Variants in STK3 observed in about 807,000 individuals in gnomAD.
STK3 encodes serine/threonine-protein kinase 3.
A neutral mutation model predicts 58.0 loss-of-function variants in STK3; 41 were observed. The ratio of observed to expected loss-of-function variants is 0.71; its 90% CI spans 0.55 to 0.92. STK3 has a LOEUF of 0.92. STK3 is among the 40% of genes least tolerant of loss of function. The probability of loss-of-function intolerance (pLI) is 0.00; values close to 1 mark genes in which losing one functional copy is unlikely to be tolerated. For synonymous variants in STK3, 170 were observed against 191.0 expected, an observed-to-expected ratio of 0.89 and a Z score of 0.91; for missense variants, 479 against 602.7, an observed-to-expected ratio of 0.79 and a Z score of 2.15.
downstream of STK3, among the ~76,000 whole-genome samples, chr8:98,367,730 G>A (rs762588771): frequency 2.1e-4 from 32 of 152,334 alleles, no homozygotes; most frequent in Non-Finnish European, 3.2e-4. Flanking sequence ...GAGGAGGCAG[G>A]TGAAAGAAGA....
Position 98,421,015 on chromosome 8 carries a change from C to T in STK3, n.483+13112G>A, listed in dbSNP as rs73273942. 7.4e-3 allele frequency among the ~76,000 whole-genome samples: 1,134 copies of T among 152,308 alleles called. 18 individuals carry two copies. The highest frequency in any genetic ancestry group is 0.026 in the African/African-American group (1,069 of 41,570). On this transcript the variant is annotated intron_variant and non_coding_transcript_variant, in intron 3 of 3. Coordinates refer to the STK3 transcript ENST00000517832. ...GACTGGGACAGCTAGCTTCATGGTGCGGGGCTGGCTCTTCATTTTCTCTGC... is the reference window on the plus strand; with the variant it reads ...GACTGGGACAGCTAGCTTCATGGTGTGGGGCTGGCTCTTCATTTTCTCTGC...
intron 1 of STK3, among the ~76,000 whole-genome samples, chr8:98,939,739 G>A (rs1368901738): frequency 1.3e-5 from 2 of 152,228 alleles, no homozygotes; most frequent in Non-Finnish European, 2.9e-5. Context: ...TAAAAATATA[G>A]GTTTGCAGAC....
chr8:98,514,599 A>G (rs573987197), intron 10 of STK3, among the ~76,000 whole-genome samples: 2 of 151,842 alleles, frequency 1.3e-5, no homozygotes, highest in South Asian at 4.2e-4. Flanking sequence ...GACAGCTGTA[A>G]TCGGCCTACA....
chr8:98,616,533 CA>C (rs1383118927), intron 6 of STK3, among the ~76,000 whole-genome samples: 4 of 142,024 alleles, frequency 2.8e-5, no homozygotes, highest in Non-Finnish European at 6.1e-5. Context: ...GATAAAGAGT[CA>C]AGACCCATCA....
intron 6 of STK3, among the ~76,000 whole-genome samples, chr8:98,698,207 A>G (rs951349149): frequency 2.7e-5 from 4 of 150,320 alleles, no homozygotes; most frequent in African/African-American, 9.8e-5. Flanking sequence ...TTTGTTTTCC[A>G]TTTGCTTGGT....
chr8:98,431,522 G>A (rs192042624), intron 3 of STK3: 127 of 167,238 alleles, frequency 7.6e-4, no homozygotes, highest in South Asian at 2.9e-3. Context: ...CTGAAGGCAG[G>A]TGGTGGTACA....
chr8:98,375,807 T>C (rs1225147945), intron 2 of STK3, among the ~76,000 whole-genome samples: 3 of 152,200 alleles, frequency 2.0e-5, no homozygotes, highest in Non-Finnish European at 4.4e-5. Flanking sequence ...CCTTCTTTCA[T>C]CTACTGGAGG....
intron 4 of STK3, among the ~76,000 whole-genome samples, chr8:98,713,154 T>C (rs1826662789): frequency 6.6e-6 from 1 of 152,144 alleles, no homozygotes; most frequent in Non-Finnish European, 1.5e-5. Context: ...GGGAAATTTA[T>C]AGCACTAAAT....
chr8:98,630,682 G>GAGAAGGAGA (rs1456304076), intron 6 of STK3, among the ~76,000 whole-genome samples: 7 of 148,336 alleles, frequency 4.7e-5, no homozygotes, highest in East Asian at 2.0e-4. Context: ...GGAGAAGGAG[G>GAGAAGGAGA]AGAAGGAGAA....
chr8:98,531,077 C>A (rs1173468176), intron 9 of STK3, among the ~76,000 whole-genome samples: 3 of 152,194 alleles, frequency 2.0e-5, no homozygotes, highest in Admixed American at 1.3e-4. Context: ...CTTCTTCCAA[C>A]CTCCTGTTAA....
intron 4 of STK3, among the ~76,000 whole-genome samples, chr8:98,738,655 T>A (rs888761884): frequency 6.6e-6 from 1 of 152,164 alleles, no homozygotes; most frequent in East Asian, 1.9e-4. Flanking sequence ...GCTCCCAGCG[T>A]GAGCGACGCA....
downstream of STK3, among the ~76,000 whole-genome samples, chr8:98,452,609 A>G (rs1421924204): frequency 6.6e-6 from 1 of 152,210 alleles, no homozygotes; most frequent in Non-Finnish European, 1.5e-5. Flanking sequence ...TTATTAAAGG[A>G]TGAGGTGTGC....
At chr8:98,542,586 G>A (rs1035554578) in intron 9 of STK3, among the ~76,000 whole-genome samples, 8 of 152,138 alleles carry the variant, frequency 5.3e-5, no homozygotes, top group African/African-American at 1.9e-4. Flanking sequence ...AGAGTTGCTC[G>A]ATAGCTCAGC....
At chr8:98,465,049 C>T (rs978992723) in intron 10 of STK3, among the ~76,000 whole-genome samples, 2 of 152,130 alleles carry the variant, frequency 1.3e-5, no homozygotes, top group East Asian at 3.8e-4. Context: ...AGGAAGAATA[C>T]GGTTTCTCAT....
intron 1 of STK3, among the ~76,000 whole-genome samples, chr8:98,889,394 G>A (rs2922066): frequency 0.27 from 40,398 of 152,042 alleles, 6,111 homozygotes; most frequent in East Asian, 0.44. Context: ...TCCCTCCCCT[G>A]CAAAGCACTC....
At chr8:98,588,179 GT>G (rs1814843840) in intron 7 of STK3, among the ~76,000 whole-genome samples, 1 of 151,998 alleles carries the variant, frequency 6.6e-6, no homozygotes, top group African/African-American at 2.4e-5. Context: ...AGTTGATGCA[GT>G]TTCTTCCTAG....
At chr8:98,575,567 T>G (rs962988310) in intron 8 of STK3, among the ~76,000 whole-genome samples, 1 of 151,740 alleles carries the variant, frequency 6.6e-6, no homozygotes, top group Non-Finnish European at 1.5e-5. Context: ...CCTGTCCTGG[T>G]CTCTGGTAAC....
At chr8:98,405,575 A>G (rs974089639) in intron 3 of STK3, among the ~76,000 whole-genome samples, 1 of 152,196 alleles carries the variant, frequency 6.6e-6, no homozygotes, top group African/African-American at 2.4e-5. Flanking sequence ...TAGACGCCTC[A>G]GAGCCTAATT....
intron 2 of STK3, among the ~76,000 whole-genome samples, chr8:98,435,598 G>A (rs1324808932): frequency 1.3e-5 from 2 of 152,210 alleles, no homozygotes; most frequent in South Asian, 2.1e-4. Context: ...GCAGGTGGAC[G>A]GGGAGGCGGC....
Sources: allele counts gnomAD v4.1 joint callset (sites outside exome capture counted in the v4.1 genomes callset), GRCh38; gene constraint gnomAD v4.1.1; transcripts MANE v1.5; gene names NCBI Gene and HGNC (gene_info 2026-07-23, HGNC 2026-07-21).